Variants in CACNA2D3 observed in about 807,000 individuals in gnomAD.
CACNA2D3 encodes the protein voltage-dependent calcium channel subunit alpha-2/delta-3.
CACNA2D3 carries 60 observed loss-of-function variants against 160.6 expected under a neutral mutation model. That is an observed-to-expected ratio of 0.37 (90% CI 0.30 to 0.46). The LOEUF is 0.46. Ranked by LOEUF, CACNA2D3 falls within the 20% of genes least tolerant of loss-of-function variation. The probability of loss-of-function intolerance (pLI) is 1.00; values close to 1 mark genes in which losing one functional copy is unlikely to be tolerated. For missense variants in CACNA2D3, 1,205 were observed against 1,365.0 expected (o/e 0.88, Z 1.85); for synonymous variants, 558 against 492.9 (o/e 1.13, Z -1.75).
chr3:54,250,767 T>A (rs1702173031), intron 2 of CACNA2D3, among the ~76,000 whole-genome samples: 1 of 152,152 alleles, frequency 6.6e-6, no homozygotes, highest in Admixed American at 6.5e-5. Context: ...ACAAAGGTGA[T>A]AAGCATGCAA....
At chr3:54,853,342 G>A (rs1699100887) in intron 17 of CACNA2D3, among the ~76,000 whole-genome samples, 1 of 152,216 alleles carries the variant, frequency 6.6e-6, no homozygotes, top group African/African-American at 2.4e-5. Context: ...TGAATGATCT[G>A]CAGGATGTTT....
intron 5 of CACNA2D3, among the ~76,000 whole-genome samples, chr3:54,553,079 C>G (rs1463700428): frequency 6.6e-6 from 1 of 152,176 alleles, no homozygotes; most frequent in Non-Finnish European, 1.5e-5. Context: ...CTCCTTGTCC[C>G]TCTGGTCCCA....
At chr3:54,264,997 G>A (rs1439959762) in intron 2 of CACNA2D3, among the ~76,000 whole-genome samples, 1 of 152,114 alleles carries the variant, frequency 6.6e-6, no homozygotes, top group Non-Finnish European at 1.5e-5. Context: ...ATGGACATTT[G>A]GATTGGTTCC....
chr3:54,393,847 G>A (rs1040649708), intron 4 of CACNA2D3, among the ~76,000 whole-genome samples: 1 of 152,238 alleles, frequency 6.6e-6, no homozygotes, highest in Admixed American at 6.5e-5. Context: ...TGCTTCCCTA[G>A]AACTGGACTG....
chr3:54,794,540 T>G (rs567287479), intron 13 of CACNA2D3, among the ~76,000 whole-genome samples: 2 of 152,262 alleles, frequency 1.3e-5, no homozygotes, highest in South Asian at 4.1e-4. Flanking sequence ...TTTTCTTCAG[T>G]CTGAAGAATT....
intron 27 of CACNA2D3, chr3:54,966,893 C>A (rs1702165515): frequency 6.6e-6 from 1 of 152,198 alleles, no homozygotes; most frequent in East Asian, 1.9e-4. Flanking sequence ...ACTATAATAT[C>A]ACTTGAAAGT....
chr3:54,907,243 C>T (rs1440884906), intron 27 of CACNA2D3, among the ~76,000 whole-genome samples: 1 of 152,168 alleles, frequency 6.6e-6, no homozygotes, highest in African/African-American at 2.4e-5. Context: ...TGAGTGAGCA[C>T]AGGCCATCCC....
chr3:54,403,165 G>C (rs1467650089), intron 4 of CACNA2D3, among the ~76,000 whole-genome samples: 1 of 151,828 alleles, frequency 6.6e-6, no homozygotes, highest in Non-Finnish European at 1.5e-5. Flanking sequence ...AGACCAGCTT[G>C]GGCAACAAGT....
At chr3:54,985,479 C>A (rs1702594803) in intron 30 of CACNA2D3, among the ~76,000 whole-genome samples, 1 of 152,166 alleles carries the variant, frequency 6.6e-6, no homozygotes, top group Non-Finnish European at 1.5e-5. Flanking sequence ...GTAACGCCAT[C>A]ACAGGAGGAA....
intron 33 of CACNA2D3, 146 bp from the exon 34 acceptor site, chr3:55,009,242 G>A: frequency 1.4e-6 from 1 of 689,682 alleles, no homozygotes; most frequent in South Asian, 1.9e-5. Flanking sequence ...TGAAAATTTA[G>A]TAGTAACTCA....
chr3:54,292,308 A>G (rs1313020670), intron 2 of CACNA2D3, among the ~76,000 whole-genome samples: 3 of 152,216 alleles, frequency 2.0e-5, no homozygotes, highest in African/African-American at 7.2e-5. Context: ...AGTATGAGGA[A>G]TGAAATAAAA....
intron 11 of CACNA2D3, among the ~76,000 whole-genome samples, chr3:54,651,287 A>G (rs895069638): frequency 6.6e-6 from 1 of 152,114 alleles, no homozygotes; most frequent in African/African-American, 2.4e-5. Context: ...GAGCAGGAGA[A>G]CAGCAAATTG....
At chr3:54,260,185 A>G (rs896847804) in intron 2 of CACNA2D3, among the ~76,000 whole-genome samples, 2 of 147,070 alleles carry the variant, frequency 1.4e-5, no homozygotes, top group Non-Finnish European at 3.1e-5. Context: ...AGCCTCTTCT[A>G]CTGATCTCTT....
chr3:54,561,856 C>G (rs1347581751), intron 5 of CACNA2D3, among the ~76,000 whole-genome samples: 1 of 151,850 alleles, frequency 6.6e-6, no homozygotes, highest in Non-Finnish European at 1.5e-5. Context: ...TTAACTGACT[C>G]ACAGTTCCAC....
chr3:54,953,052 C>T (rs568344052), intron 27 of CACNA2D3, among the ~76,000 whole-genome samples: 1 of 152,198 alleles, frequency 6.6e-6, no homozygotes, highest in Non-Finnish European at 1.5e-5. Context: ...GACTCAACTG[C>T]AGGGGAGGAA....
At chr3:54,300,990 T>G (rs912142014) in intron 2 of CACNA2D3, among the ~76,000 whole-genome samples, 2 of 151,098 alleles carry the variant, frequency 1.3e-5, no homozygotes, top group African/African-American at 4.9e-5. Flanking sequence ...CACTACACTC[T>G]AGCCTTAGTG....
chr3:54,897,530 T>G (rs1169943185), intron 26 of CACNA2D3, among the ~76,000 whole-genome samples: 2 of 152,190 alleles, frequency 1.3e-5, no homozygotes, highest in African/African-American at 4.8e-5. Context: ...CTCATGCATC[T>G]GGTATTTTGG....
chr3:54,550,615 A>T (rs937474949), intron 5 of CACNA2D3, among the ~76,000 whole-genome samples: 1 of 152,234 alleles, frequency 6.6e-6, no homozygotes, highest in African/African-American at 2.4e-5. Flanking sequence ...CAGGGAAATC[A>T]GTTTTAGTCT....
intron 14 of CACNA2D3, among the ~76,000 whole-genome samples, chr3:54,829,685 G>T (rs73063750): frequency 6.6e-6 from 1 of 151,890 alleles, no homozygotes; most frequent in Non-Finnish European, 1.5e-5. Flanking sequence ...ACCCTATTAT[G>T]TGCTACCCAG....
Sources: allele counts gnomAD v4.1 joint callset (sites outside exome capture counted in the v4.1 genomes callset), GRCh38; gene constraint gnomAD v4.1.1; transcripts MANE v1.5; gene names NCBI Gene and HGNC (gene_info 2026-07-23, HGNC 2026-07-21).